Variants in CELF2 observed in about 807,000 individuals in gnomAD.
CELF2 encodes the protein CUGBP Elav-like family member 2.
Under a neutral mutation model 62.6 loss-of-function variants are expected in CELF2, and 8 were observed. The observed-to-expected ratio is 0.13, with a 90% confidence interval of 0.07 to 0.23. CELF2 has a LOEUF of 0.23. Among genes scored for constraint, CELF2 ranks in the 10% least tolerant of loss-of-function variants. CELF2 has a pLI of 1.00. For missense variants in CELF2, 333 were observed against 671.0 expected, an observed-to-expected ratio of 0.50 and a Z score of 5.56; for synonymous variants, 258 against 250.0, an observed-to-expected ratio of 1.03 and a Z score of -0.30.
At chr10:10,738,228 A>T in the CELF2 span, among the ~76,000 whole-genome samples, 1 of 152,226 alleles carries the variant, frequency 6.6e-6, no homozygotes, top group East Asian at 1.9e-4. Context: ...AACATCTTTT[A>T]TAGTAATTAC....
chr10:10,493,266 A>G, the CELF2 span, among the ~76,000 whole-genome samples: 1 of 152,148 alleles, frequency 6.6e-6, no homozygotes, highest in African/African-American at 2.4e-5. Flanking sequence ...GGTGATTGCC[A>G]GGGTCTGGGG....
intron 1 of CELF2, among the ~76,000 whole-genome samples, chr10:11,153,526 AC>A (rs1481224428): frequency 6.6e-6 from 1 of 152,130 alleles, no homozygotes; most frequent in Non-Finnish European, 1.5e-5. Context: ...GAGACAGAGA[AC>A]ATGCGCTTTG....
chr10:11,025,514 T>C (rs1462288731), intron 1 of CELF2, among the ~76,000 whole-genome samples: 2 of 152,102 alleles, frequency 1.3e-5, no homozygotes, highest in Non-Finnish European at 2.9e-5. Flanking sequence ...GTGCCTGGCT[T>C]CCCCTTCCCT....
intron 1 of CELF2, among the ~76,000 whole-genome samples, chr10:11,085,911 G>C (rs944836094): frequency 4.6e-5 from 7 of 150,686 alleles, no homozygotes; most frequent in Non-Finnish European, 1.0e-4. Flanking sequence ...GACCTTTTCT[G>C]TCAACTCTCT....
chr10:10,956,861 G>A (rs994697501), intron 2 of CELF2, among the ~76,000 whole-genome samples: 1 of 152,014 alleles, frequency 6.6e-6, no homozygotes, highest in African/African-American at 2.4e-5. Flanking sequence ...TTGAGCCCAG[G>A]GAGTCAAGTC....
At chr10:10,700,627 A>G in the CELF2 span, among the ~76,000 whole-genome samples, 1 of 152,288 alleles carries the variant, frequency 6.6e-6, no homozygotes, top group East Asian at 1.9e-4. Flanking sequence ...CCTTACTTCT[A>G]CTACTTTTAC....
At chr10:10,562,718 C>T in the CELF2 span, among the ~76,000 whole-genome samples, 1 of 152,204 alleles carries the variant, frequency 6.6e-6, no homozygotes, top group Non-Finnish European at 1.5e-5. Context: ...TTTCCCTCCT[C>T]TGTCTTCCCT....
At chr10:10,487,396 C>T in the CELF2 span, among the ~76,000 whole-genome samples, 1 of 152,158 alleles carries the variant, frequency 6.6e-6, no homozygotes, top group Non-Finnish European at 1.5e-5. Flanking sequence ...CAAACAGCAG[C>T]CTGGTTGATT....
chr10:11,021,489 C>T (rs1161873869), intron 1 of CELF2, among the ~76,000 whole-genome samples: 1 of 152,104 alleles, frequency 6.6e-6, no homozygotes, highest in African/African-American at 2.4e-5. Flanking sequence ...CTCATCAGAC[C>T]TCATTTTATA....
chr10:10,629,861 C>CAAAA, the CELF2 span, among the ~76,000 whole-genome samples: 23 of 12,338 alleles, frequency 1.9e-3, 3 homozygotes, highest in Admixed American at 2.5e-3. Flanking sequence ...GGCTGAAGAC[C>CAAAA]AAAAAAAAAA....
the CELF2 span, among the ~76,000 whole-genome samples, chr10:10,592,019 G>C: frequency 6.7e-6 from 1 of 148,774 alleles, no homozygotes; most frequent in African/African-American, 2.5e-5. Flanking sequence ...GAGGCCAAAA[G>C]ACAAAAAAAA....
At chr10:10,714,225 T>G in the CELF2 span, among the ~76,000 whole-genome samples, 1 of 152,166 alleles carries the variant, frequency 6.6e-6, no homozygotes, top group Non-Finnish European at 1.5e-5. Flanking sequence ...TTTGGCAACT[T>G]TCTGAAGCTC....
upstream of CELF2, chr10:11,005,196 C>A: frequency 6.9e-7 from 1 of 1,443,684 alleles, no homozygotes; most frequent in South Asian, 1.5e-5. The surrounding 1 kb of genome is among the most constrained non-coding windows in gnomAD (Gnocchi z 4.3). Context: ...CTGCAGGAGC[C>A]CCCTTGCTCT....
intron 2 of CELF2, among the ~76,000 whole-genome samples, chr10:11,196,701 T>G (rs2057592676): frequency 6.6e-6 from 1 of 151,382 alleles, no homozygotes; most frequent in Admixed American, 6.6e-5. Flanking sequence ...CTCACACCTG[T>G]AATCCCAGCA....
At chr10:10,474,392 C>T in the CELF2 span, among the ~76,000 whole-genome samples, 11 of 152,040 alleles carry the variant, frequency 7.2e-5, no homozygotes, top group African/African-American at 2.7e-4. Flanking sequence ...GAGAAGTCAC[C>T]CAATCTGAGC....
At chr10:11,072,177 C>T (rs1413767180) in intron 1 of CELF2, among the ~76,000 whole-genome samples, 1 of 152,100 alleles carries the variant, frequency 6.6e-6, no homozygotes, top group East Asian at 1.9e-4. Flanking sequence ...ATCAAAGTCC[C>T]CATTTAATAG....
chr10:11,142,080 C>A (rs752191365), intron 1 of CELF2, among the ~76,000 whole-genome samples: 14 of 152,218 alleles, frequency 9.2e-5, no homozygotes, highest in Non-Finnish European at 1.8e-4. Flanking sequence ...AACCAGGTAG[C>A]TGCCTGAGAT....
chr10:10,498,100 G>C, the CELF2 span, among the ~76,000 whole-genome samples: 1 of 152,132 alleles, frequency 6.6e-6, no homozygotes, highest in Non-Finnish European at 1.5e-5. Flanking sequence ...TTGTGAAGAG[G>C]GAGAGAAAGA....
At chr10:10,780,222 A>G in the CELF2 span, among the ~76,000 whole-genome samples, 1 of 152,314 alleles carries the variant, frequency 6.6e-6, no homozygotes. Flanking sequence ...TTGTTTTAAT[A>G]TGGAGTCAGA....
Sources: gnomAD v4.1 joint callset for allele counts (sites outside exome capture counted in the v4.1 genomes callset) on GRCh38, gnomAD v4.1.1 for gene constraint, Gnocchi (gnomAD v3.1) non-coding constraint, MANE v1.5 for transcripts, NCBI Gene and HGNC (gene_info 2026-07-23, HGNC 2026-07-21) for gene names.